Variants in KSR2 observed in about 807,000 individuals in gnomAD.
KSR2 encodes the protein kinase suppressor of ras 2.
In KSR2, 25 loss-of-function variants were observed where a neutral mutation model predicts 107.8. That is an observed-to-expected ratio of 0.23 (90% CI 0.17 to 0.32). The LOEUF is 0.32. Among genes scored for constraint, KSR2 ranks in the 10% least tolerant of loss-of-function variants. The pLI is 1.00. For synonymous variants in KSR2, 480 were observed against 507.0 expected (o/e 0.95, Z 0.71); for missense variants, 887 against 1,268.9 (o/e 0.70, Z 4.57).
intron 14 of KSR2, among the ~76,000 whole-genome samples, chr12:117,506,870 TAC>T (rs1873719507): frequency 6.6e-6 from 1 of 152,110 alleles, no homozygotes; most frequent in Non-Finnish European, 1.5e-5. Flanking sequence ...TATATATGTA[TAC>T]ACACACATAT....
intron 3 of KSR2, among the ~76,000 whole-genome samples, chr12:117,845,941 T>A (rs1892688641): frequency 1.3e-5 from 2 of 151,664 alleles, no homozygotes; most frequent in Non-Finnish European, 2.9e-5. Context: ...CCACCCTCCT[T>A]GGCCTCTCAG....
intron 1 of KSR2, 76 bp downstream of exon 1, chr12:117,968,000 G>T: frequency 2.3e-6 from 3 of 1,312,700 alleles, no homozygotes; most frequent in Non-Finnish European, 3.2e-6. Context: ...AGGGGACCGT[G>T]GGGAGAAAGG....
intron 4 of KSR2, among the ~76,000 whole-genome samples, chr12:117,739,170 A>G (rs1438714449): frequency 1.3e-5 from 2 of 152,242 alleles, no homozygotes; most frequent in Non-Finnish European, 2.9e-5. Context: ...CCTGGCTGAC[A>G]CGGTGAAACC....
intron 4 of KSR2, among the ~76,000 whole-genome samples, chr12:117,692,182 G>A (rs1478819701): frequency 6.6e-6 from 1 of 152,014 alleles, no homozygotes; most frequent in Non-Finnish European, 1.5e-5. Flanking sequence ...TACATAAATG[G>A]TGGCCAACAA....
intron 3 of KSR2, among the ~76,000 whole-genome samples, chr12:117,796,604 C>T (rs561426863): frequency 6.6e-6 from 1 of 152,282 alleles, no homozygotes; most frequent in South Asian, 2.1e-4. Context: ...CAGCCCTGCC[C>T]TTACCAGGCA....
chr12:117,821,493 G>A (rs142979812), intron 3 of KSR2, among the ~76,000 whole-genome samples: 62 of 152,130 alleles, frequency 4.1e-4, no homozygotes, highest in Non-Finnish European at 7.2e-4. Context: ...GTAGGAATAC[G>A]TATATTCATA....
At chr12:117,629,925 A>G (rs929153469) in intron 5 of KSR2, among the ~76,000 whole-genome samples, 3 of 152,176 alleles carry the variant, frequency 2.0e-5, no homozygotes, top group African/African-American at 7.2e-5. Flanking sequence ...CTTTAGCAAA[A>G]CAAGCAACAG....
At chr12:117,657,299 A>T (rs2136454543) in intron 5 of KSR2, among the ~76,000 whole-genome samples, 1 of 152,284 alleles carries the variant, frequency 6.6e-6, no homozygotes, top group African/African-American at 2.4e-5. Context: ...ACCTAAAAAC[A>T]GCAGGGCTGA....
chr12:117,592,512 T>C (rs1299883084), intron 5 of KSR2, among the ~76,000 whole-genome samples: 1 of 152,176 alleles, frequency 6.6e-6, no homozygotes, highest in Non-Finnish European at 1.5e-5. Context: ...AAATCAAATG[T>C]GTGGACAGTG....
intron 4 of KSR2, among the ~76,000 whole-genome samples, chr12:117,741,729 AAAG>A (rs1346221381): frequency 2.6e-5 from 4 of 152,180 alleles, no homozygotes; most frequent in African/African-American, 9.7e-5. Flanking sequence ...TATTAAAAAT[AAAG>A]AAGGAGAAGG....
intron 5 of KSR2, among the ~76,000 whole-genome samples, chr12:117,656,081 T>C (rs1485859725): frequency 6.6e-6 from 1 of 152,240 alleles, no homozygotes; most frequent in Non-Finnish European, 1.5e-5. Context: ...ATACTAGCTA[T>C]GACCACGTGA....
chr12:117,562,529 C>A (rs1253309344), intron 7 of KSR2, among the ~76,000 whole-genome samples: 1 of 152,006 alleles, frequency 6.6e-6, no homozygotes. Context: ...TCTAATAAAC[C>A]CAGCTGGAAA....
chr12:117,496,515 A>C (rs1307492461), intron 14 of KSR2, among the ~76,000 whole-genome samples: 1 of 152,192 alleles, frequency 6.6e-6, no homozygotes, highest in Non-Finnish European at 1.5e-5. Flanking sequence ...ATTTATATGA[A>C]TCTGCCAGAT....
chr12:117,597,646 C>T (rs912919753), intron 5 of KSR2, among the ~76,000 whole-genome samples: 2 of 152,138 alleles, frequency 1.3e-5, no homozygotes, highest in East Asian at 3.9e-4. Context: ...ATTACGACCT[C>T]CGGAATGATT....
At chr12:117,905,592 G>A (rs1239176987) in intron 1 of KSR2, among the ~76,000 whole-genome samples, 1 of 152,000 alleles carries the variant, frequency 6.6e-6, no homozygotes, top group Non-Finnish European at 1.5e-5. Context: ...CACAGCTATG[G>A]TATACAAGCT....
intron 5 of KSR2, among the ~76,000 whole-genome samples, chr12:117,592,196 C>T (rs556331302): frequency 6.6e-6 from 1 of 151,820 alleles, no homozygotes; most frequent in South Asian, 2.1e-4. Flanking sequence ...TCACTGCAAC[C>T]TCCGCCTCCC....
chr12:117,674,513 C>A (rs1885041768), intron 4 of KSR2: 1 of 420,202 alleles, frequency 2.4e-6, no homozygotes, highest in Admixed American at 2.5e-5. Flanking sequence ...CTCCCATTTC[C>A]CCTTTCCTCC....
chr12:117,555,259 C>A lies in KSR2; in HGVS notation c.1428G>T (p.Pro476=), dbSNP rs7955803. 6 of 1,613,528 alleles carry A rather than the reference C, an allele frequency of 3.7e-6. No individual in the cohort carries two copies. The highest frequency in any genetic ancestry group is 3.3e-5 in the Admixed American group (2 of 59,968). The part of the protein sequence containing the change: ...PARLVRTESV[P]CDINNPLRKP... The stretch of plus-strand genomic sequence containing the variant: ...TCCGTAGAGGGTTGTTGATGTCACA[C>A]GGAACGGACTCTGTCCGGACTAACC... Residue 476 remains proline, a synonymous_variant, in exon 9 of 20, where the codon CCG becomes CCT. Coordinates refer to ENST00000339824, the MANE Select transcript of KSR2 (RefSeq NM_173598.6).
chr12:117,641,794 A>C (rs1883372043), intron 5 of KSR2, among the ~76,000 whole-genome samples: 1 of 152,156 alleles, frequency 6.6e-6, no homozygotes, highest in Non-Finnish European at 1.5e-5. Context: ...TAGAAACAGC[A>C]CGGTTTAGTA....
Sources: allele counts gnomAD v4.1 joint callset (sites outside exome capture counted in the v4.1 genomes callset), GRCh38; gene constraint gnomAD v4.1.1; transcripts MANE v1.5; gene names NCBI Gene and HGNC (gene_info 2026-07-23, HGNC 2026-07-21).